The following PRDM10 variants were observed in gnomAD, a reference collection of about 807,000 sequenced individuals.
PRDM10 encodes PR/SET domain 10.
A neutral mutation model predicts 133.1 loss-of-function variants in PRDM10; 65 were observed. The ratio of observed to expected loss-of-function variants is 0.49; its 90% CI spans 0.40 to 0.60. The LOEUF is 0.60. PRDM10 is among the 20% of genes least tolerant of loss of function. The pLI is 0.00. For missense variants in PRDM10, 1,137 were observed against 1,507.1 expected (o/e 0.75, Z 4.07); for synonymous variants, 582 against 580.4 (o/e 1.00, Z -0.04).
intron 1 of PRDM10, among the ~76,000 whole-genome samples, chr11:129,985,810 AT>A (rs1197096416): frequency 0.018 from 1,037 of 59,250 alleles, 17 homozygotes; most frequent in Non-Finnish European, 0.023. Context: ...AAAAAAAAAA[AT>A]ATATATATAT....
Position 129,910,552 on chromosome 11 carries a change from C to T in PRDM10, c.3087G>A (p.Gln1029=). The change falls in exon 19 of 21, where the codon CAG becomes CAA. Residue 1029 remains glutamine, a synonymous_variant. Coordinates refer to ENST00000360871, the MANE Select transcript of PRDM10 (RefSeq NM_199437.2). ...SSSTQGQALQ[Q]QQQQQQNSSV... ...AGGAATTCTGCTGCTGCTGCTGCTG[C>T]TGCTGCAGAGCCTGCCCCTGTGTGG... 6.2e-7 allele frequency: 1 copy of T among 1,614,094 alleles called. No homozygotes were observed. The highest frequency in any genetic ancestry group is 8.5e-7 in the Non-Finnish European group (1 of 1,180,014).
Position 129,923,223 on chromosome 11 carries a change from C to T in PRDM10, c.2034+25G>A. ...TAATTCCAGTGGCCACGAGAACCAC[C>T]TTGGGCTGTGCCTTGGTGTCATACC... On this transcript the variant is annotated intron_variant, in intron 13 of 20. Coordinates refer to ENST00000360871, the MANE Select transcript of PRDM10 (RefSeq NM_199437.2). This position sits in a 1 kb window ranked among gnomAD's most constrained non-coding sequence, Gnocchi z 4.4. The T allele has an allele frequency of 1.3e-6, 2 of 1,556,354 alleles. No homozygotes were observed. Among genetic ancestry groups the T allele is most frequent in the Non-Finnish European group, 8.7e-7 (1 of 1,149,224 alleles).
intron 1 of PRDM10, among the ~76,000 whole-genome samples, chr11:129,994,273 A>G: frequency 1.1e-5 from 1 of 92,036 alleles, no homozygotes; most frequent in Admixed American, 1.3e-4. Flanking sequence ...CAGCCTGGCC[A>G]ACATGGCAAA....
chr11:129,959,013 A>G (rs1342551412), intron 2 of PRDM10, among the ~76,000 whole-genome samples: 4 of 152,220 alleles, frequency 2.6e-5, no homozygotes, highest in African/African-American at 9.6e-5. Flanking sequence ...CCAAGAACAC[A>G]TTTGGGAGAG....
chr11:129,902,598 A>C (rs1484896511), intron 20 of PRDM10, 82 bp from the exon 21 acceptor site: 1 of 1,511,888 alleles, frequency 6.6e-7, no homozygotes, highest in East Asian at 2.4e-5. Context: ...GGAGATGTGA[A>C]GAAATGTCAC....
intron 1 of PRDM10, among the ~76,000 whole-genome samples, chr11:129,979,897 C>T (rs966157799): frequency 5.3e-5 from 8 of 152,242 alleles, no homozygotes; most frequent in Non-Finnish European, 8.8e-5. Context: ...CAGCCCCTTC[C>T]GACCTTCAGT....
In PRDM10 at chr11:129,910,616, T is replaced by C; in HGVS notation, c.3023A>G (p.Gln1008Arg). 2 of 1,610,012 alleles carry C rather than the reference T, an allele frequency of 1.2e-6. No homozygotes were observed. ...GATGTGGGAGGGGCTGAGCCCCTGC[T>C]GAGCCTGCTGGGCTGAGGGACTCAA... The part of the protein sequence containing the change: ...QPLSPSAQQA[Q>R]QGLSPSHIQG... The change falls in exon 19 of 21, where the codon CAG (glutamine) becomes CGG (arginine). Residue 1008 changes from glutamine to arginine, a missense_variant. Around this residue, in one of 6 missense-constraint regions of PRDM10, gnomAD observed 243 missense variants for 259.2 expected, o/e 0.94. Coordinates refer to ENST00000360871, the MANE Select transcript of PRDM10 (RefSeq NM_199437.2).
intron 17 of PRDM10, among the ~76,000 whole-genome samples, chr11:129,912,971 A>AAT (rs1950236863): frequency 6.6e-6 from 1 of 151,670 alleles, no homozygotes; most frequent in Admixed American, 6.6e-5. Flanking sequence ...AAGGCAGAAG[A>AAT]ATCACTTGAA....
chr11:129,952,281 A>G (rs1951600499), intron 4 of PRDM10, among the ~76,000 whole-genome samples: 1 of 152,200 alleles, frequency 6.6e-6, no homozygotes, highest in African/African-American at 2.4e-5. Context: ...AAATTTGCCT[A>G]TCGGATTGGC....
intron 19 of PRDM10, among the ~76,000 whole-genome samples, chr11:129,909,976 T>C (rs139285485): frequency 0.011 from 1,627 of 152,336 alleles, 43 homozygotes; most frequent in Admixed American, 0.062. Context: ...AAAATGCAAA[T>C]AACAATTGTA....
chr11:129,948,099 G>A (rs1039210657), intron 4 of PRDM10: 2 of 456,560 alleles, frequency 4.4e-6, no homozygotes, highest in Non-Finnish European at 8.8e-6. Flanking sequence ...TCATGCTGAA[G>A]TCAGTCTCCT....
At chr11:129,998,530 G>A (rs1242545637) in intron 1 of PRDM10, among the ~76,000 whole-genome samples, 3 of 152,142 alleles carry the variant, frequency 2.0e-5, no homozygotes, top group African/African-American at 7.2e-5. Context: ...AAACTATTGT[G>A]CACTATTGAT....
chr11:129,938,073 C>T lies in PRDM10; in HGVS notation c.967-403G>A, dbSNP rs574294962. Among the ~76,000 whole-genome samples the T allele has an allele frequency of 6.5e-4, 99 of 152,230 alleles. 1 individual carries two copies. Among genetic ancestry groups the T allele is most frequent in the African/African-American group, 2.3e-3 (94 of 41,546 alleles). On this transcript the variant is annotated intron_variant, in intron 7 of 20. Transcript: ENST00000360871. Reference sequence around the variant, plus strand: ...CACCAATGACACCTTCCAAGGCAACCACCTTCTCCCGCCCACCCACTGGCT... The same window carrying T: ...CACCAATGACACCTTCCAAGGCAACTACCTTCTCCCGCCCACCCACTGGCT...
Position 129,985,780 on chromosome 11 carries a change from CAAAAAAAAAAAAAAAAA to C in PRDM10, c.-119+16925_-119+16941del, listed in dbSNP as rs1159728991. On this transcript the variant is annotated intron_variant, in intron 1 of 20. Transcript: ENST00000360871. ...CTGGGTGACAAAGACAAACCCTGTC[CAAAAAAAAAAAAAAAAA>C]AAAAAAAAAAAAATATATATATATA... Among the ~76,000 whole-genome samples the C allele has an allele frequency of 4.5e-4, 12 of 26,756 alleles. 1 individual carries two copies. Among genetic ancestry groups the C allele is most frequent in the African/African-American group, 1.0e-3 (11 of 10,764 alleles). 17.6% of individuals were successfully genotyped at this position (26,756 alleles called of 152,430 possible). A position where few individuals can be genotyped will look rare whatever the true frequency, so the allele number is the denominator to read the frequency against.
intron 19 of PRDM10, among the ~76,000 whole-genome samples, chr11:129,907,926 A>G (rs984005146): frequency 1.3e-5 from 2 of 151,720 alleles, no homozygotes; most frequent in Admixed American, 1.3e-4. Flanking sequence ...TCTCATCTCT[A>G]CTAAAAAATT....
chr11:129,998,208 T>C (rs985123803), intron 1 of PRDM10, among the ~76,000 whole-genome samples: 1 of 152,098 alleles, frequency 6.6e-6, no homozygotes, highest in Non-Finnish European at 1.5e-5. Context: ...AAAATCTGAG[T>C]GTATGTATTT....
chr11:129,925,358 A>G (rs1950645212), intron 11 of PRDM10, 129 bp from the exon 12 acceptor site: 9 of 863,086 alleles, frequency 1.0e-5, no homozygotes, highest in Non-Finnish European at 1.5e-5. Context: ...ACTCTAGGAC[A>G]CACACAGTTG....
chr11:129,998,050 T>C (rs1034572196), intron 1 of PRDM10, among the ~76,000 whole-genome samples: 1 of 152,232 alleles, frequency 6.6e-6, no homozygotes, highest in Non-Finnish European at 1.5e-5. Flanking sequence ...TTTAAAATGT[T>C]CTAGTATACA....
At chr11:129,951,395 A>C (rs1951578639) in intron 4 of PRDM10, among the ~76,000 whole-genome samples, 1 of 152,194 alleles carries the variant, frequency 6.6e-6, no homozygotes, top group Non-Finnish European at 1.5e-5. Flanking sequence ...CTGGGCAACA[A>C]GGTAACCAAC....
Sources: allele counts gnomAD v4.1 joint callset (sites outside exome capture counted in the v4.1 genomes callset), GRCh38; gene constraint gnomAD v4.1.1; regional missense constraint gnomAD v4.1.1; non-coding constraint Gnocchi (gnomAD v3.1); transcripts MANE v1.5; gene names NCBI Gene and HGNC (gene_info 2026-07-23, HGNC 2026-07-21).